ADAMTS17: variants seen among roughly 807,000 people sequenced by gnomAD.
ADAMTS17 encodes the protein A disintegrin and metalloproteinase with thrombospondin motifs 17.
A neutral mutation model predicts 141.5 loss-of-function variants in ADAMTS17; 113 were observed. That is an observed-to-expected ratio of 0.80 (90% CI 0.69 to 0.93). The LOEUF (loss-of-function observed/expected upper bound fraction) is 0.93. ADAMTS17 is among the 40% of genes least tolerant of loss of function. ADAMTS17 has a pLI of 0.00. For synonymous variants in ADAMTS17, 768 were observed against 630.6 expected (o/e 1.22, Z -3.27); for missense variants, 1,659 against 1,517.9 (o/e 1.09, Z -1.54).
At chr15:100,053,351 G>A (rs1219092094) in intron 16 of ADAMTS17, among the ~76,000 whole-genome samples, 1 of 152,156 alleles carries the variant, frequency 6.6e-6, no homozygotes, top group African/African-American at 2.4e-5. Context: ...TGGCTCACAG[G>A]TTTCTGGAGG....
intron 16 of ADAMTS17, 54 bp downstream of exon 16, chr15:100,053,843 T>G: frequency 1.9e-6 from 3 of 1,613,764 alleles, no homozygotes; most frequent in East Asian, 2.2e-5. Context: ...AGTAACCTAG[T>G]AGACCTCTCG....
chr15:100,318,001 G>A (rs999961947), intron 3 of ADAMTS17, among the ~76,000 whole-genome samples: 1 of 152,120 alleles, frequency 6.6e-6, no homozygotes, highest in African/African-American at 2.4e-5. Context: ...ATGCCAGAGG[G>A]ACTGAGGGCC....
intron 15 of ADAMTS17, among the ~76,000 whole-genome samples, chr15:100,057,454 A>C (rs1334298164): frequency 1.3e-5 from 2 of 152,160 alleles, no homozygotes; most frequent in Non-Finnish European, 2.9e-5. Flanking sequence ...TTGCTGGGCC[A>C]CCAGCACGGA....
intron 8 of ADAMTS17, among the ~76,000 whole-genome samples, chr15:100,177,696 T>C (rs933187661): frequency 2.0e-5 from 3 of 152,186 alleles, no homozygotes. Context: ...CTTGCTAATT[T>C]TCTGTCTAAT....
At chr15:100,302,456 T>C (rs1427888007) in intron 3 of ADAMTS17, among the ~76,000 whole-genome samples, 1 of 152,232 alleles carries the variant, frequency 6.6e-6, no homozygotes, top group Admixed American at 6.5e-5. Context: ...ACAGTAATTC[T>C]ATGCTTAAAC....
At chr15:100,204,409 C>T (rs1232250619) in intron 7 of ADAMTS17, among the ~76,000 whole-genome samples, 1 of 152,226 alleles carries the variant, frequency 6.6e-6, no homozygotes, top group East Asian at 1.9e-4. Flanking sequence ...GAGCATGTGG[C>T]ATCTGCCATA....
intron 3 of ADAMTS17, among the ~76,000 whole-genome samples, chr15:100,306,937 T>C (rs1199979593): frequency 6.6e-6 from 1 of 152,118 alleles, no homozygotes; most frequent in African/African-American, 2.4e-5. Flanking sequence ...ACTTCCTTCC[T>C]CTGCTGACCC....
At chr15:100,113,253 A>C (rs1296157841) in intron 13 of ADAMTS17, among the ~76,000 whole-genome samples, 2 of 152,192 alleles carry the variant, frequency 1.3e-5, no homozygotes, top group Non-Finnish European at 2.9e-5. Context: ...CGGATCCCAA[A>C]GAAGGCTACA....
chr15:100,022,483 T>C (rs922691459), intron 18 of ADAMTS17, among the ~76,000 whole-genome samples: 6 of 152,306 alleles, frequency 3.9e-5, no homozygotes, highest in Non-Finnish European at 7.3e-5. Context: ...TGCCCTTTAT[T>C]TCACATCACA....
intron 7 of ADAMTS17, among the ~76,000 whole-genome samples, chr15:100,226,070 C>G (rs992652986): frequency 4.6e-5 from 7 of 151,540 alleles, no homozygotes; most frequent in African/African-American, 9.7e-5. Flanking sequence ...CAGTCACGGT[C>G]TCTGTGCCCA....
intron 3 of ADAMTS17, among the ~76,000 whole-genome samples, chr15:100,285,029 T>G (rs566767571): frequency 1.4e-4 from 21 of 152,324 alleles, no homozygotes; most frequent in Non-Finnish European, 2.8e-4. Flanking sequence ...TCTCCTGTTG[T>G]CACAGACACC....
chr15:100,136,535 G>C (rs1041783289), intron 10 of ADAMTS17, among the ~76,000 whole-genome samples: 2 of 152,186 alleles, frequency 1.3e-5, no homozygotes, highest in South Asian at 2.1e-4. Context: ...CATTGCAAAT[G>C]ACAAAGTGCT....
intron 4 of ADAMTS17, among the ~76,000 whole-genome samples, chr15:100,266,265 C>T (rs778867166): frequency 5.9e-5 from 9 of 152,150 alleles, no homozygotes; most frequent in Admixed American, 3.3e-4. Context: ...CCCGTGTCAC[C>T]GCCACCCCAA....
At chr15:100,027,651 A>T (rs1168643766) in intron 18 of ADAMTS17, among the ~76,000 whole-genome samples, 1 of 152,250 alleles carries the variant, frequency 6.6e-6, no homozygotes, top group East Asian at 1.9e-4. Context: ...AAAGCCTAAA[A>T]TATTTAATAT....
chr15:100,004,616 T>A (rs565091152), intron 18 of ADAMTS17, among the ~76,000 whole-genome samples: 54 of 134,906 alleles, frequency 4.0e-4, no homozygotes, highest in Admixed American at 1.7e-3. Flanking sequence ...ATACTGTAAT[T>A]CTTTTTTTTT....
chr15:99,993,155 A>G lies in ADAMTS17; in HGVS notation c.2842T>C (p.Cys948Arg), dbSNP rs2060724931. Residue 948 changes from cysteine (C) to arginine (R), a missense_variant, in exon 20 of 22, where the codon TGC becomes CGC. Transcript: ENST00000268070. The surrounding 1 kb of genome is among the most constrained non-coding windows in gnomAD (Gnocchi z 4.3). ...GKGVWKRTVA[C>R]TNSQGKCDAS... Reference sequence around the variant, plus strand: ...TCGCATTTCCCTTGTGAGTTGGTGCACGCCACGGTCCGTTTCCACACCCCT... The same window carrying G: ...TCGCATTTCCCTTGTGAGTTGGTGCGCGCCACGGTCCGTTTCCACACCCCT... 6.2e-7 allele frequency: 1 copy of G among 1,614,094 alleles called. No individual in the cohort carries two copies. Among genetic ancestry groups the G allele is most frequent in the Non-Finnish European group, 8.5e-7 (1 of 1,180,018 alleles).
At chr15:100,037,865 C>T (rs1165082619) in intron 18 of ADAMTS17, among the ~76,000 whole-genome samples, 1 of 152,202 alleles carries the variant, frequency 6.6e-6, no homozygotes, top group East Asian at 1.9e-4. Flanking sequence ...ACTGCAGCCT[C>T]GACCTCCCAT....
intron 19 of ADAMTS17, among the ~76,000 whole-genome samples, chr15:99,996,616 C>T (rs984210263): frequency 2.6e-5 from 4 of 152,222 alleles, no homozygotes; most frequent in South Asian, 2.1e-4. Flanking sequence ...TAAAAATGGG[C>T]GGAATACTTT....
chr15:100,293,517 A>T (rs2044713486), intron 3 of ADAMTS17, among the ~76,000 whole-genome samples: 1 of 152,204 alleles, frequency 6.6e-6, no homozygotes, highest in African/African-American at 2.4e-5. Flanking sequence ...TGGGAATGGC[A>T]AAACCTCTCA....
Sources: allele counts gnomAD v4.1 joint callset (sites outside exome capture counted in the v4.1 genomes callset), GRCh38; gene constraint gnomAD v4.1.1; non-coding constraint Gnocchi (gnomAD v3.1); transcripts MANE v1.5; gene names NCBI Gene and HGNC (gene_info 2026-07-23, HGNC 2026-07-21).